INTS13: variants seen among roughly 807,000 people sequenced by gnomAD.
INTS13 encodes integrator complex subunit 13.
A neutral mutation model predicts 90.2 loss-of-function variants in INTS13; 35 were observed. The observed-to-expected ratio is 0.39, with a 90% CI of 0.30 to 0.51. The LOEUF (loss-of-function observed/expected upper bound fraction) is 0.51, where lower values mean the gene tolerates loss of function less well. INTS13 is among the 20% of genes least tolerant of loss of function. The probability of loss-of-function intolerance (pLI) is 0.80; values close to 1 mark genes in which losing one functional copy is unlikely to be tolerated. For missense variants in INTS13, 601 were observed against 851.2 expected (o/e 0.71, Z 3.66); for synonymous variants, 309 against 277.1 (o/e 1.11, Z -1.14).
chr12:26,915,229 A>C (rs894984093), intron 11 of INTS13, among the ~76,000 whole-genome samples: 9 of 152,076 alleles, frequency 5.9e-5, no homozygotes, highest in African/African-American at 2.2e-4. Flanking sequence ...TCTGTCTCAA[A>C]ACAAACAAAC....
intron 15 of INTS13, among the ~76,000 whole-genome samples, chr12:26,909,479 T>C (rs1951713849): frequency 6.7e-6 from 1 of 149,868 alleles, no homozygotes. Flanking sequence ...ACTCTTTTTT[T>C]TTTTTTTTTT....
Position 26,917,771 on chromosome 12 carries a change from AT to A in INTS13, c.890-39del, listed in dbSNP as rs768305926. On this transcript the variant is annotated intron_variant, in intron 8 of 16. Transcript: ENST00000261191. Reference sequence around the variant, plus strand: ...GTCAGAGACATTACACATTGTATACATGTATCAAAACATCACACTGTATCCC... The same window carrying A: ...GTCAGAGACATTACACATTGTATACAGTATCAAAACATCACACTGTATCCC... 3.5e-5 allele frequency: 48 copies of A among 1,379,444 alleles called. 1 individual carries two copies. The South Asian group carries it at 5.5e-4, about 16-fold the overall frequency. 85.5% of individuals were successfully genotyped at this position (1,379,444 alleles called of 1,614,324 possible).
chr12:26,927,565 C>G (rs1169434914), intron 5 of INTS13, among the ~76,000 whole-genome samples: 3 of 152,170 alleles, frequency 2.0e-5, no homozygotes, highest in Non-Finnish European at 4.4e-5. Flanking sequence ...AATAACGCCA[C>G]TAACAACTTG....
At chr12:26,907,551 C>T (rs971501914) in intron 15 of INTS13, among the ~76,000 whole-genome samples, 1 of 152,148 alleles carries the variant, frequency 6.6e-6, no homozygotes, top group Non-Finnish European at 1.5e-5. Context: ...TAACATGTAA[C>T]ACCTAAAGCA....
rs902646699 is a variant in INTS13 at position 26,934,608 on chromosome 12, G to C, written c.248C>G (p.Ser83Cys). The change falls in exon 3 of 17, where the codon TCT becomes TGT. Residue 83 changes from serine to cysteine, a missense_variant. Ser to Cys is a moderately radical substitution (Grantham distance 112). Coordinates refer to ENST00000261191, the MANE Select transcript of INTS13 (RefSeq NM_018164.3). ...CCAAGAATTTAAAACATGTGCTCCA[G>C]AGTCACTCACAATAAAATTCACCTA... ...KKLVNFIVSDSGAHVLNSWTQ... is the reference protein window; with the variant it reads ...KKLVNFIVSDCGAHVLNSWTQ... The C allele has an allele frequency of 2.5e-6, 4 of 1,613,248 alleles. No homozygotes were observed. Among genetic ancestry groups the C allele is most frequent in the African/African-American group, 2.7e-5 (2 of 74,880 alleles).
Position 26,913,549 on chromosome 12 carries a change from C to T in INTS13, c.1713G>A (p.Lys571=), listed in dbSNP as rs1951850529. ...RSKPPEEEER[K]KRGRKREDKE... ...TGTCTTCCCTCTTTCTTCCTCGTTT[C>T]TTTCGTTCTTCCTCTTCTGGGGGTT... is the stretch of plus-strand genomic sequence containing the variant. Residue 571 remains lysine, a synonymous_variant, in exon 14 of 17, where the codon AAG becomes AAA. Coordinates refer to ENST00000261191, the MANE Select transcript of INTS13 (RefSeq NM_018164.3). 3 of 1,614,102 alleles carry T rather than the reference C, an allele frequency of 1.9e-6. No individual in the cohort carries two copies. Among genetic ancestry groups the T allele is most frequent in the Non-Finnish European group, 2.5e-6 (3 of 1,180,012 alleles).
At chr12:26,920,884 T>C (rs1429598392) in intron 8 of INTS13, among the ~76,000 whole-genome samples, 1 of 152,178 alleles carries the variant, frequency 6.6e-6, no homozygotes, top group Non-Finnish European at 1.5e-5. Flanking sequence ...TCCTCAGACA[T>C]GTAACAAATG....
At position 26,906,417 on chromosome 12, in the gene INTS13, A is replaced by G. The variant is rs1451208466; in HGVS notation, c.1966T>C (p.Leu656=). ...GCAGTATTGATTCTATTACTCCACAAGGATAATAACGACACTGGCCCTAGT... is the reference window on the plus strand; with the variant it reads ...GCAGTATTGATTCTATTACTCCACAGGGATAATAACGACACTGGCCCTAGT... ...KSKGPVSLLS[L]WSNRINTANS... Residue 656 remains leucine, a synonymous_variant, in exon 16 of 17, where the codon TTG becomes CTG. Coordinates refer to ENST00000261191, the MANE Select transcript of INTS13 (RefSeq NM_018164.3). 6.2e-7 allele frequency: 1 copy of G among 1,610,982 alleles called. No individual in the cohort carries two copies. The highest frequency in any genetic ancestry group is 8.5e-7 in the Non-Finnish European group (1 of 1,178,458).
At position 26,928,911 on chromosome 12, in the gene INTS13, T is replaced by C; in HGVS notation, c.301-6A>G. ...GCGGCTAATGCTGCCATTAGCTAAG[T>C]AAAAGGGAAAACAATTATGTTGACA... On this transcript the variant is annotated splice_region_variant and splice_polypyrimidine_tract_variant and intron_variant, in intron 3 of 16. Coordinates refer to ENST00000261191, the MANE Select transcript of INTS13 (RefSeq NM_018164.3). 2 of 1,613,138 alleles carry C rather than the reference T, an allele frequency of 1.2e-6. No individual in the cohort carries two copies. The highest frequency in any genetic ancestry group is 1.7e-6 in the Non-Finnish European group (2 of 1,179,420).
At chr12:26,937,372 T>C (rs573460901) in intron 1 of INTS13, among the ~76,000 whole-genome samples, 1 of 152,220 alleles carries the variant, frequency 6.6e-6, no homozygotes, top group Admixed American at 6.5e-5. Context: ...GGTCTTCGCC[T>C]TAGGATAAGG....
intron 8 of INTS13, among the ~76,000 whole-genome samples, chr12:26,920,403 CTTTT>C (rs35574943): frequency 1.4e-5 from 2 of 142,664 alleles, no homozygotes; most frequent in African/African-American, 5.2e-5. Flanking sequence ...ATTTTTGACA[CTTTT>C]TTTTTTTTTT....
At position 26,905,404 on chromosome 12, in the gene INTS13, C is replaced by T; in HGVS notation, c.*93G>A. The T allele has an allele frequency of 8.5e-7, 1 of 1,172,320 alleles. No individual in the cohort carries two copies. Among genetic ancestry groups the T allele is most frequent in the Non-Finnish European group, 1.2e-6 (1 of 808,600 alleles). The allele number at this position is 1,172,320 out of a possible 1,614,324, so 72.6% of individuals were successfully genotyped here. On this transcript the variant is annotated 3_prime_UTR_variant, in exon 17 of 17. Transcript: ENST00000261191. ...AAAATGTAAAAACCAGTCCAGGCAA[C>T]ATAACTATACCATCTTGCTGTAAAA...
rs189880809 is a variant in INTS13 at position 26,918,875 on chromosome 12, A to G, written c.890-1142T>C. On this transcript the variant is annotated intron_variant, in intron 8 of 16. Coordinates refer to ENST00000261191, the MANE Select transcript of INTS13 (RefSeq NM_018164.3). ...GTTATAAGGGTATGAGTAGAAATTA[A>G]GTAAAGAAATGGAACAGATGCAGTG... is the stretch of plus-strand genomic sequence containing the variant. Among the ~76,000 whole-genome samples, 81 of 152,332 alleles carry G rather than the reference A, an allele frequency of 5.3e-4. 1 individual carries two copies. Among genetic ancestry groups the G allele is most frequent in the African/African-American group, 1.9e-3 (78 of 41,576 alleles).
At chr12:26,917,277 AAAT>A (rs1951965650) in intron 10 of INTS13, 72 bp downstream of exon 10, 1 of 423,320 alleles carries the variant, frequency 2.4e-6, no homozygotes, top group South Asian at 6.0e-5. Flanking sequence ...AATTTCACTC[AAAT>A]AATAATTTAA....
intron 2 of INTS13, among the ~76,000 whole-genome samples, chr12:26,936,293 T>C (rs1340757736): frequency 6.6e-6 from 1 of 152,246 alleles, no homozygotes; most frequent in Non-Finnish European, 1.5e-5. Context: ...CTTCAATAAC[T>C]ACAGTTCCTA....
chr12:26,920,003 C>A (rs1403180971), intron 8 of INTS13, among the ~76,000 whole-genome samples: 1 of 152,042 alleles, frequency 6.6e-6, no homozygotes, highest in African/African-American at 2.4e-5. Context: ...TGGTGGACAC[C>A]TGTAGTCCCA....
chr12:26,932,449 G>C (rs560036808), intron 3 of INTS13, among the ~76,000 whole-genome samples: 22 of 152,310 alleles, frequency 1.4e-4, no homozygotes, highest in African/African-American at 5.1e-4. Flanking sequence ...CCCTACCCGT[G>C]TAAGTGACTA....
chr12:26,924,476 G>T lies in INTS13; in HGVS notation c.683C>A (p.Pro228Gln), dbSNP rs141454244. ...VSDRSKKELSPVLTSEVHSVR... is the reference protein window; with the variant it reads ...VSDRSKKELSQVLTSEVHSVR... ...ACTATGAACTTCACTGGTTAAAACC[G>T]GGGACAACTACAGAAAAACATACAA... The change falls in exon 7 of 17, where the codon CCG becomes CAG. Residue 228 changes from proline to glutamine, a missense_variant. Around this residue, in one of 3 missense-constraint regions of INTS13, gnomAD observed 284 missense variants for 387.7 expected, o/e 0.73. Transcript: ENST00000261191. 1.9e-5 allele frequency: 30 copies of T among 1,599,944 alleles called. No individual in the cohort carries two copies. Among genetic ancestry groups the T allele is most frequent in the Non-Finnish European group, 2.5e-5 (29 of 1,172,880 alleles).
In INTS13 at chr12:26,917,401, T is replaced by C. The variant is rs765801173; in HGVS notation, c.1020A>G (p.Val340=). 6.3e-7 allele frequency: 1 copy of C among 1,575,920 alleles called. No homozygotes were observed. Among genetic ancestry groups the C allele is most frequent in the Non-Finnish European group, 8.6e-7 (1 of 1,156,108 alleles). The part of the protein sequence containing the change: ...YCTGAYRISP[V]DVNSRPSSCL... ...AGGAGGAAGGTCTACTATTTACATCTACAGGTGAAATCCGATAAGCTCCAG... is the reference window on the plus strand; with the variant it reads ...AGGAGGAAGGTCTACTATTTACATCCACAGGTGAAATCCGATAAGCTCCAG... Residue 340 remains valine, a synonymous_variant, in exon 10 of 17, where the codon GTA becomes GTG. Transcript: ENST00000261191.
Sources: allele counts gnomAD v4.1 joint callset (sites outside exome capture counted in the v4.1 genomes callset), GRCh38; gene constraint gnomAD v4.1.1; regional missense constraint gnomAD v4.1.1; transcripts MANE v1.5; gene names NCBI Gene and HGNC (gene_info 2026-07-23, HGNC 2026-07-21).